The following ZHX2 variants were observed in gnomAD, a reference collection of about 807,000 sequenced individuals.
The protein encoded by ZHX2 is zinc fingers and homeoboxes 2, also known as zinc fingers and homeoboxes protein 2.
ZHX2 carries 6 observed loss-of-function variants against 21.9 expected under a neutral mutation model. That is an observed-to-expected ratio of 0.27 (90% CI 0.15 to 0.54). ZHX2 has a LOEUF of 0.54. ZHX2 is among the 20% of genes least tolerant of loss of function. ZHX2 has a pLI of 0.95. For synonymous variants in ZHX2, 434 were observed against 437.1 expected (o/e 0.99, Z 0.09); for missense variants, 908 against 1,090.7 (o/e 0.83, Z 2.36).
intron 2 of ZHX2, among the ~76,000 whole-genome samples, chr8:122,920,133 G>C (rs946697220): frequency 6.6e-6 from 1 of 152,134 alleles, no homozygotes; most frequent in Admixed American, 6.5e-5. Context: ...AATTAGCCAG[G>C]TGTGGTAGTA....
At chr8:122,807,805 GAGA>G (rs1445038128) in intron 1 of ZHX2, 1 of 152,256 alleles carries the variant, frequency 6.6e-6, no homozygotes, top group Non-Finnish European at 1.5e-5. Flanking sequence ...GAGGCACTGG[GAGA>G]AGAAGTAATT....
intron 2 of ZHX2, among the ~76,000 whole-genome samples, chr8:122,876,134 C>G (rs542449960): frequency 5.9e-4 from 89 of 150,612 alleles, no homozygotes; most frequent in African/African-American, 2.2e-3. Flanking sequence ...CCATTCACCC[C>G]TCCCTTGATC....
intron 1 of ZHX2, among the ~76,000 whole-genome samples, chr8:122,805,777 C>A (rs1817811210): frequency 6.6e-6 from 1 of 152,194 alleles, no homozygotes; most frequent in South Asian, 2.1e-4. Flanking sequence ...TGTGGCTCCT[C>A]ATCACTAGGA....
At chr8:122,908,398 C>T (rs183755715) in intron 2 of ZHX2, among the ~76,000 whole-genome samples, 23 of 152,030 alleles carry the variant, frequency 1.5e-4, no homozygotes, top group East Asian at 3.9e-4. Context: ...TTAGTAGAGA[C>T]GGGGTTTCAC....
rs1268649286 is a variant in ZHX2, at chr8:122,937,036, G to T, written c.-219-14256G>T. On this transcript the variant is annotated intron_variant, in intron 2 of 3. Coordinates refer to ENST00000314393, the MANE Select transcript of ZHX2 (RefSeq NM_014943.5). Reference sequence around the variant, plus strand: ...AGAGGTTCCACCTGGGCCAGGCATGGGTAGGGGTCTTTCTCTAGAAAAACT... The same window carrying T: ...AGAGGTTCCACCTGGGCCAGGCATGTGTAGGGGTCTTTCTCTAGAAAAACT... Among the ~76,000 whole-genome samples the T allele has an allele frequency of 2.6e-5, 4 of 152,240 alleles. No individual in the cohort carries two copies. The East Asian group carries it at 7.7e-4, about 29-fold the overall frequency.
intron 2 of ZHX2, among the ~76,000 whole-genome samples, chr8:122,866,452 G>A (rs1287439014): frequency 6.6e-6 from 1 of 152,222 alleles, no homozygotes; most frequent in Non-Finnish European, 1.5e-5. Flanking sequence ...TTAGTGCCCT[G>A]CCTTTGGCTC....
chr8:122,938,176 G>A (rs183394202), intron 2 of ZHX2, among the ~76,000 whole-genome samples: 92 of 148,802 alleles, frequency 6.2e-4, no homozygotes, highest in Non-Finnish European at 1.1e-3. Context: ...CTCGTGATCC[G>A]CCCACCTCGG....
chr8:122,823,783 C>A (rs1156606157), intron 1 of ZHX2, among the ~76,000 whole-genome samples: 1 of 152,312 alleles, frequency 6.6e-6, no homozygotes, highest in African/African-American at 2.4e-5. Context: ...GTTACGGCTG[C>A]TGTTGACACC....
chr8:122,972,776 T>C (rs1049975644), intron 3 of ZHX2, among the ~76,000 whole-genome samples: 2 of 152,254 alleles, frequency 1.3e-5, no homozygotes, highest in African/African-American at 4.8e-5. Context: ...TCATCCCTGT[T>C]ATACAGAAGC....
chr8:122,898,840 G>A (rs55932048), intron 2 of ZHX2, among the ~76,000 whole-genome samples: 49,172 of 152,174 alleles, frequency 0.32, 8,193 homozygotes, highest in South Asian at 0.43. Context: ...CTGCTGGAGA[G>A]TGGCGTGCTG....
chr8:122,952,181 A>G lies in ZHX2; in HGVS notation c.671A>G (p.Glu224Gly). Residue 224 changes from glutamate (E) to glycine (G), a missense_variant, in exon 3 of 4, where the codon GAG becomes GGG. Around this residue, in one of 4 missense-constraint regions of ZHX2, gnomAD observed 220 missense variants for 251.4 expected, o/e 0.88. Coordinates refer to ENST00000314393, the MANE Select transcript of ZHX2 (RefSeq NM_014943.5). The surrounding 1 kb of genome is among the most constrained non-coding windows in gnomAD (Gnocchi z 6.9). The part of the protein sequence containing the change: ...GTARLVTDTA[E>G]ILSRLGGVEL... ...GCCCGCCTGGTGACAGACACAGCTG[A>G]GATCCTCTCGAGACTCGGCGGGGTG... 4 of 1,613,494 alleles carry G rather than the reference A, an allele frequency of 2.5e-6. No individual in the cohort carries two copies. The highest frequency in any genetic ancestry group is 3.4e-6 in the Non-Finnish European group (4 of 1,179,888).
At chr8:122,789,341 G>A (rs975646123) in intron 1 of ZHX2, among the ~76,000 whole-genome samples, 1 of 152,150 alleles carries the variant, frequency 6.6e-6, no homozygotes, top group African/African-American at 2.4e-5. Context: ...TATGAGACTG[G>A]GCTGAATTGC....
At chr8:122,967,912 T>G (rs771507054) in intron 3 of ZHX2, among the ~76,000 whole-genome samples, 1 of 152,152 alleles carries the variant, frequency 6.6e-6, no homozygotes, top group Non-Finnish European at 1.5e-5. Context: ...AAAGATTATG[T>G]CTTTTTTCTT....
chr8:122,895,515 A>G (rs984280061), intron 2 of ZHX2, among the ~76,000 whole-genome samples: 3 of 152,194 alleles, frequency 2.0e-5, no homozygotes, highest in Admixed American at 6.5e-5. Flanking sequence ...TTCATAAACA[A>G]GTCTCTGTGC....
In ZHX2 at chr8:122,898,620, C is replaced by T. The variant is rs1000344821; in HGVS notation, c.-220+35081C>T. 3.3e-5 allele frequency among the ~76,000 whole-genome samples: 5 copies of T among 152,352 alleles called. No homozygotes were observed. The Middle Eastern group carries it at 0.01, about 311-fold the overall frequency. ...ATTTTGCTTCAAGTCCAAATAGGAG[C>T]TAGTGATCCTAATATGTCTCGGCCA... On this transcript the variant is annotated intron_variant, in intron 2 of 3. Transcript: ENST00000314393.
chr8:122,917,701 A>G (rs1051203650), intron 2 of ZHX2, among the ~76,000 whole-genome samples: 2 of 152,158 alleles, frequency 1.3e-5, no homozygotes, highest in African/African-American at 2.4e-5. Context: ...CTTCCTAAGG[A>G]TGAGTTACTT....
At chr8:122,964,870 G>A (rs1465934366) in intron 3 of ZHX2, among the ~76,000 whole-genome samples, 2 of 151,902 alleles carry the variant, frequency 1.3e-5, no homozygotes, top group African/African-American at 2.4e-5. Flanking sequence ...TTTAATCTAG[G>A]AAGGTTGTAT....
chr8:122,917,852 A>C (rs770927025), intron 2 of ZHX2, among the ~76,000 whole-genome samples: 1 of 152,174 alleles, frequency 6.6e-6, no homozygotes, highest in Non-Finnish European at 1.5e-5. Flanking sequence ...ACCACTGTGC[A>C]TTCCTCACCC....
intron 1 of ZHX2, among the ~76,000 whole-genome samples, chr8:122,792,162 A>G (rs1044495117): frequency 1.3e-5 from 2 of 152,138 alleles, no homozygotes; most frequent in Non-Finnish European, 2.9e-5. Context: ...CCTTAGCCCA[A>G]GCCCTACACA....
Sources: gnomAD v4.1 joint callset for allele counts (sites outside exome capture counted in the v4.1 genomes callset) on GRCh38, gnomAD v4.1.1 for gene constraint, gnomAD v4.1.1 regional missense constraint, Gnocchi (gnomAD v3.1) non-coding constraint, MANE v1.5 for transcripts, NCBI Gene and HGNC (gene_info 2026-07-23, HGNC 2026-07-21) for gene names.